The following ZNF782 variants were observed in gnomAD, a reference collection of about 807,000 sequenced individuals.
ZNF782 encodes zinc finger protein 782.
In ZNF782, 12 loss-of-function variants were observed where a neutral mutation model predicts 13.0. The ratio of observed to expected loss-of-function variants is 0.92; its 90% confidence interval spans 0.59 to 1.50. The LOEUF (loss-of-function observed/expected upper bound fraction) is 1.50. Ranked by LOEUF, ZNF782 falls within the 40% of genes most tolerant of loss-of-function variation. The pLI is 0.00. For missense variants in ZNF782, 770 were observed against 822.9 expected (o/e 0.94, Z 0.79); for synonymous variants, 284 against 283.0 (o/e 1.00, Z -0.04).
the ZNF782 span, chr9:96,931,873 C>T: frequency 1.2e-6 from 2 of 1,612,462 alleles, no homozygotes; most frequent in Non-Finnish European, 1.7e-6. Context: ...CTCTGGTGCT[C>T]TCTGCCTTCC....
At chr9:96,899,681 G>A in the ZNF782 span, among the ~76,000 whole-genome samples, 1 of 152,176 alleles carries the variant, frequency 6.6e-6, no homozygotes, top group Non-Finnish European at 1.5e-5. Flanking sequence ...CAAGAGACTG[G>A]CAGGGAAAAG....
At chr9:96,838,157 G>A (rs995405263) in intron 4 of ZNF782, among the ~76,000 whole-genome samples, 8 of 152,186 alleles carry the variant, frequency 5.3e-5, no homozygotes, top group Non-Finnish European at 1.2e-4. Flanking sequence ...GTGTTGACAA[G>A]TGTGTTGGTT....
chr9:96,895,036 T>G, the ZNF782 span: 1 of 152,236 alleles, frequency 6.6e-6, no homozygotes, highest in African/African-American at 2.4e-5. Context: ...GGACACACTT[T>G]CTGTTATGAC....
intron 4 of ZNF782, among the ~76,000 whole-genome samples, chr9:96,834,009 T>C (rs1205432077): frequency 6.6e-6 from 1 of 152,182 alleles, no homozygotes; most frequent in Non-Finnish European, 1.5e-5. Context: ...TCAAAATACA[T>C]GTTAAAATTT....
At chr9:96,875,685 G>C (rs542923783), upstream of ZNF782, 1 of 443,734 alleles carries the variant, frequency 2.3e-6, no homozygotes, top group African/African-American at 2.0e-5. Context: ...TAGCGTGAGG[G>C]GGTCGATCCT....
chr9:96,921,257 G>A, the ZNF782 span, among the ~76,000 whole-genome samples: 1 of 148,990 alleles, frequency 6.7e-6, no homozygotes, highest in Non-Finnish European at 1.5e-5. Flanking sequence ...CTGGCCGAGT[G>A]TGGTGGCTCA....
rs1223584735 is a variant in ZNF782 at position 96,864,866 on chromosome 9, A to G, written c.-456-3263T>C. Among the ~76,000 whole-genome samples the G allele has an allele frequency of 7.8e-5, 11 of 141,880 alleles. No homozygotes were observed. The East Asian group carries it at 2.1e-3, about 27-fold the overall frequency. 93.1% of individuals were successfully genotyped at this position (141,880 alleles called of 152,430 possible). ...GGGCAAAAAGTGAGACCCTATCTCCACAAAAAGAACTAAAAAAAAAAAAAA... is the reference window on the plus strand; with the variant it reads ...GGGCAAAAAGTGAGACCCTATCTCCGCAAAAAGAACTAAAAAAAAAAAAAA... On this transcript the variant is annotated intron_variant, in intron 1 of 5. Coordinates refer to the ZNF782 transcript ENST00000498811.
intron 5 of ZNF782, 71 bp from the exon 6 acceptor site, chr9:96,819,849 T>C: frequency 8.8e-5 from 101 of 1,153,214 alleles, no homozygotes; most frequent in Middle Eastern, 7.7e-4. Context: ...CATATATGTA[T>C]ATATATGCCC....
chr9:96,849,936 T>C (rs1851443482), intron 3 of ZNF782, among the ~76,000 whole-genome samples: 1 of 151,896 alleles, frequency 6.6e-6, no homozygotes, highest in African/African-American at 2.4e-5. Flanking sequence ...ATCAGGGAAA[T>C]GCAAATTGAA....
chr9:96,901,971 G>C, the ZNF782 span, among the ~76,000 whole-genome samples: 2 of 149,616 alleles, frequency 1.3e-5, no homozygotes, highest in Non-Finnish European at 3.0e-5. Context: ...TTTTTTCTAT[G>C]AAGGATAAAG....
At chr9:96,834,051 T>C (rs1292875206) in intron 4 of ZNF782, among the ~76,000 whole-genome samples, 2 of 152,168 alleles carry the variant, frequency 1.3e-5, no homozygotes. Context: ...AGGTGGGGCA[T>C]AGTGGGAGGT....
At chr9:96,826,316 G>A (rs1275154773) in intron 5 of ZNF782, among the ~76,000 whole-genome samples, 10 of 151,460 alleles carry the variant, frequency 6.6e-5, no homozygotes, top group Non-Finnish European at 1.5e-4. Context: ...ACCAAACACC[G>A]CATATTCTCA....
chr9:96,899,144 A>G, the ZNF782 span, among the ~76,000 whole-genome samples: 1 of 150,664 alleles, frequency 6.6e-6, no homozygotes, highest in African/African-American at 2.5e-5. Flanking sequence ...TTAACTTACT[A>G]TAATGTTTTC....
upstream of ZNF782, among the ~76,000 whole-genome samples, chr9:96,877,031 C>T (rs1166372310): frequency 6.6e-6 from 1 of 151,216 alleles, no homozygotes; most frequent in Non-Finnish European, 1.5e-5. Flanking sequence ...CATGGATCTC[C>T]CAGAGATGTC....
At chr9:96,886,328 A>T in the ZNF782 span, among the ~76,000 whole-genome samples, 1 of 152,234 alleles carries the variant, frequency 6.6e-6, no homozygotes, top group African/African-American at 2.4e-5. Flanking sequence ...AGAGCATCAA[A>T]AATGAGTAAA....
intron 5 of ZNF782, among the ~76,000 whole-genome samples, chr9:96,825,247 C>T (rs1241405588): frequency 6.7e-5 from 10 of 148,154 alleles, no homozygotes; most frequent in African/African-American, 1.2e-4. Context: ...TCAGAAATAA[C>T]GCCGCATATC....
At chr9:96,836,542 GGACTTTT>G (rs1416196916) in intron 4 of ZNF782, among the ~76,000 whole-genome samples, 1 of 152,080 alleles carries the variant, frequency 6.6e-6, no homozygotes, top group Admixed American at 6.6e-5. Flanking sequence ...GCTGGACTTT[GGACTTTT>G]AAGGTGGTGC....
chr9:96,913,701 T>C, the ZNF782 span, among the ~76,000 whole-genome samples: 1 of 151,950 alleles, frequency 6.6e-6, no homozygotes, highest in African/African-American at 2.4e-5. Context: ...TTTTGTAATT[T>C]TTTAGTAGAG....
At chr9:96,893,931 C>T in the ZNF782 span, 3 of 134,940 alleles carry the variant, frequency 2.2e-5, no homozygotes, top group Non-Finnish European at 4.5e-5. Context: ...ACCCGGGAGG[C>T]GGAGCTTGCA....
Sources: allele counts gnomAD v4.1 joint callset (sites outside exome capture counted in the v4.1 genomes callset), GRCh38; gene constraint gnomAD v4.1.1; transcripts MANE v1.5; gene names NCBI Gene and HGNC (gene_info 2026-07-23, HGNC 2026-07-21).